Variants in CELSR1 observed in about 807,000 individuals in gnomAD.
The protein encoded by CELSR1 is cadherin EGF LAG seven-pass G-type receptor 1.
Under a neutral mutation model 249.1 loss-of-function variants are expected in CELSR1, and 110 were observed. The ratio of observed to expected loss-of-function variants is 0.44; its 90% CI spans 0.38 to 0.52. CELSR1 has a LOEUF of 0.52. CELSR1 is among the 20% of genes least tolerant of loss of function. The pLI, the probability that CELSR1 is intolerant of heterozygous loss-of-function variation, is 0.00. For synonymous variants in CELSR1, 2,113 were observed against 1,900.0 expected, an observed-to-expected ratio of 1.11 and a Z score of -2.92; for missense variants, 4,109 against 4,296.4, an observed-to-expected ratio of 0.96 and a Z score of 1.22.
rs547364572 is a variant in CELSR1, at chr22:46,402,219, C to CT, written c.5227-2318dup. On this transcript the variant is annotated intron_variant, in intron 9 of 34. Transcript: ENST00000674500. The surrounding 1 kb of genome is among the most constrained non-coding windows in gnomAD (Gnocchi z 5.0). ...CATCCCCATTCTAGTTTCTCTTTTT[C>CT]TTTTTTTTTTTTTTGAGACAGAGTT... Among the ~76,000 whole-genome samples, 2,085 of 143,274 alleles carry CT rather than the reference C, an allele frequency of 0.015. 12 individuals are homozygous for CT. Among genetic ancestry groups the CT allele is most frequent in the East Asian group, 0.055 (271 of 4,956 alleles). The allele number at this position is 143,274 out of a possible 152,430, so 94.0% of individuals were successfully genotyped here. A position where few individuals can be genotyped will look rare whatever the true frequency, so the allele number is the denominator to read the frequency against.
intron 5 of CELSR1, among the ~76,000 whole-genome samples, chr22:46,432,307 G>A (rs182737416): frequency 1.2e-4 from 18 of 152,342 alleles, no homozygotes; most frequent in Admixed American, 7.2e-4. Flanking sequence ...CCAACTGCTG[G>A]TGAGTCGCAG....
In CELSR1 at chr22:46,527,219, C is replaced by G. The variant is rs113553180; in HGVS notation, c.3544+6408G>C. 6.6e-6 allele frequency among the ~76,000 whole-genome samples: 1 copy of G among 152,162 alleles called. No homozygotes were observed. ...AGGGTTCCCGGCACATGGAGCACAT[C>G]GGCTGAGATGTGTCTGACCATCTAA... On this transcript the variant is annotated intron_variant, in intron 1 of 34. Coordinates refer to ENST00000674500, the MANE Select transcript of CELSR1 (RefSeq NM_001378328.1). The surrounding 1 kb of genome is among the most constrained non-coding windows in gnomAD (Gnocchi z 5.5).
chr22:46,387,830 G>A (rs114814034), intron 18 of CELSR1, among the ~76,000 whole-genome samples: 2,901 of 152,190 alleles, frequency 0.019, 91 homozygotes, highest in African/African-American at 0.066. Context: ...ATGTGGCGAT[G>A]CCCCTGGTTA....
At position 46,411,128 on chromosome 22, in the gene CELSR1, G is replaced by A. The variant is rs372052948; in HGVS notation, c.4769+474C>T. Among the ~76,000 whole-genome samples the A allele has an allele frequency of 9.9e-4, 151 of 152,284 alleles. No homozygotes were observed. The highest frequency in any genetic ancestry group is 3.2e-3 in the African/African-American group (134 of 41,550). On this transcript the variant is annotated intron_variant, in intron 6 of 34. Coordinates refer to ENST00000674500, the MANE Select transcript of CELSR1 (RefSeq NM_001378328.1). This position sits in a 1 kb window ranked among gnomAD's most constrained non-coding sequence, Gnocchi z 4.2. ...GCAGGAGGATGGCTTGAGTCCAGGA[G>A]GTCAAGGCTTCAGTGAGCTAGAATC...
At chr22:46,529,305 C>T (rs5768903) in intron 1 of CELSR1, among the ~76,000 whole-genome samples, 2 of 151,794 alleles carry the variant, frequency 1.3e-5, no homozygotes, top group Non-Finnish European at 2.9e-5. Flanking sequence ...TTGCAACAAC[C>T]TGGATGGAAC....
chr22:46,491,625 TTC>T (rs71315160), intron 1 of CELSR1, among the ~76,000 whole-genome samples: 1 of 136,348 alleles, frequency 7.3e-6, no homozygotes, highest in Non-Finnish European at 1.5e-5. Flanking sequence ...ATAGTCTCTA[TTC>T]TCTCTCTCTC....
chr22:46,375,454 G>A (rs1421700258), intron 24 of CELSR1, among the ~76,000 whole-genome samples: 9 of 151,666 alleles, frequency 5.9e-5, no homozygotes, highest in African/African-American at 1.7e-4. Context: ...CCTGGCTTCA[G>A]TTCTGGGTCT....
At position 46,373,062 on chromosome 22, in the gene CELSR1, G is replaced by A. The variant is rs559304627; in HGVS notation, c.7585-5C>T. ...GGCAACCACTGTGCACAGAAACTGCGCAGGGAGGGGCCGCTCAGCAAGGGC... is the reference window on the plus strand; with the variant it reads ...GGCAACCACTGTGCACAGAAACTGCACAGGGAGGGGCCGCTCAGCAAGGGC... On this transcript the variant is annotated splice_region_variant and splice_polypyrimidine_tract_variant and intron_variant, in intron 24 of 34. Coordinates refer to ENST00000674500, the MANE Select transcript of CELSR1 (RefSeq NM_001378328.1). 7.6e-6 allele frequency: 12 copies of A among 1,589,014 alleles called. No individual in the cohort carries two copies. The highest frequency in any genetic ancestry group is 2.7e-5 in the African/African-American group (2 of 74,694).
At chr22:46,388,365 A>G (rs895567636) in intron 18 of CELSR1, among the ~76,000 whole-genome samples, 3 of 151,846 alleles carry the variant, frequency 2.0e-5, no homozygotes, top group Non-Finnish European at 2.9e-5. Flanking sequence ...AAAAAGAAAT[A>G]AAGAAAAAGA....
chr22:46,506,237 G>A lies in CELSR1; in HGVS notation c.3544+27390C>T, dbSNP rs142747898. 6.3e-3 allele frequency among the ~76,000 whole-genome samples: 960 copies of A among 152,034 alleles called. 10 individuals are homozygous for A. The highest frequency in any genetic ancestry group is 0.022 in the African/African-American group (923 of 41,438). ...GAAAAGAAACTACTGACTACTGACG[G>A]ATTGCTGGGTTCTGGATGGACATGC... is the stretch of plus-strand genomic sequence containing the variant. On this transcript the variant is annotated intron_variant, in intron 1 of 34. Coordinates refer to ENST00000674500, the MANE Select transcript of CELSR1 (RefSeq NM_001378328.1). This position sits in a 1 kb window ranked among gnomAD's most constrained non-coding sequence, Gnocchi z 4.1.
chr22:46,458,319 G>A (rs1405490619), intron 2 of CELSR1, among the ~76,000 whole-genome samples: 1 of 152,186 alleles, frequency 6.6e-6, no homozygotes, highest in African/African-American at 2.4e-5. Flanking sequence ...AGGAAGGCCT[G>A]AACACTGATG....
At position 46,471,213 on chromosome 22, in the gene CELSR1, G is replaced by A. The variant is rs114351104; in HGVS notation, c.3545-6868C>T. On this transcript the variant is annotated intron_variant, in intron 1 of 34. Transcript: ENST00000674500. This position sits in a 1 kb window ranked among gnomAD's most constrained non-coding sequence, Gnocchi z 4.9. ...TTCTACATGAGCCCAGAGAGCTATC[G>A]GCACTGTGGACAGTGGTTCTGTCTG... Among the ~76,000 whole-genome samples, 12 of 152,266 alleles carry A rather than the reference G, an allele frequency of 7.9e-5. No homozygotes were observed. The highest frequency in any genetic ancestry group is 1.0e-4 in the Non-Finnish European group (7 of 68,016).
intron 1 of CELSR1, chr22:46,481,633 G>A: frequency 4.4e-6 from 3 of 678,940 alleles, no homozygotes; most frequent in Admixed American, 2.2e-5. Flanking sequence ...ACAACAGCTG[G>A]TGCTGCACCA....
At chr22:46,443,277 G>A (rs748838103) in intron 2 of CELSR1, among the ~76,000 whole-genome samples, 4 of 152,200 alleles carry the variant, frequency 2.6e-5, no homozygotes, top group Admixed American at 6.5e-5. Context: ...AGCTGACGCC[G>A]GGTCAGAGCC....
chr22:46,524,411 G>A (rs1464799516), intron 1 of CELSR1, among the ~76,000 whole-genome samples: 1 of 152,156 alleles, frequency 6.6e-6, no homozygotes, highest in Non-Finnish European at 1.5e-5. Context: ...GCAGCTCTGA[G>A]GGACACATCC....
chr22:46,534,885 C>G lies in CELSR1; in HGVS notation c.2286G>C (p.Val762=). The G allele has an allele frequency of 1.2e-6, 2 of 1,612,556 alleles. No individual in the cohort carries two copies. Among genetic ancestry groups the G allele is most frequent in the Non-Finnish European group, 1.7e-6 (2 of 1,179,996 alleles). ...YKQEQQYVLA[V]TASDGTRSHT... is the part of the protein sequence containing the mutation. Reference sequence around the variant, plus strand: ...GCGACCGTGTGCCGTCGGATGCTGTCACCGCCAGCACGTACTGCTGCTCCT... The same window carrying G: ...GCGACCGTGTGCCGTCGGATGCTGTGACCGCCAGCACGTACTGCTGCTCCT... The change falls in exon 1 of 35, where the codon GTG becomes GTC. Residue 762 remains valine (V), a synonymous_variant. Transcript: ENST00000674500. This position sits in a 1 kb window ranked among gnomAD's most constrained non-coding sequence, Gnocchi z 9.7.
intron 1 of CELSR1, among the ~76,000 whole-genome samples, chr22:46,529,277 A>G (rs2080769142): frequency 6.6e-6 from 1 of 152,102 alleles, no homozygotes; most frequent in African/African-American, 2.4e-5. Context: ...AAAAAAAAAA[A>G]GAATGAGATC....
chr22:46,381,601 G>T lies in CELSR1; in HGVS notation c.7088+245C>A, dbSNP rs549224508. ...TGTATGCTGGGGAGGGGGCATTTCT[G>T]GCACAAACACCAGGATGAGCCCAGG... is the stretch of plus-strand genomic sequence containing the variant. On this transcript the variant is annotated intron_variant, in intron 21 of 34. Coordinates refer to ENST00000674500, the MANE Select transcript of CELSR1 (RefSeq NM_001378328.1). This position sits in a 1 kb window ranked among gnomAD's most constrained non-coding sequence, Gnocchi z 6.0. Among the ~76,000 whole-genome samples the T allele has an allele frequency of 9.2e-4, 140 of 152,300 alleles. No homozygotes were observed. Among genetic ancestry groups the T allele is most frequent in the Non-Finnish European group, 1.6e-4 (11 of 68,022 alleles).
At position 46,464,217 on chromosome 22, in the gene CELSR1, C is replaced by T. The variant is rs1423266653; in HGVS notation, c.3673G>A (p.Ala1225Thr). Residue 1225 changes from alanine (A) to threonine (T), a missense_variant, in exon 2 of 35, where the codon GCC becomes ACC. Transcript: ENST00000674500. The surrounding 1 kb of genome is among the most constrained non-coding windows in gnomAD (Gnocchi z 8.5). ...GCGGCCACCCCCTCCACGAAGAGGGCCAGCAGCGGGGACAGGAACTTCTCC... is the reference window on the plus strand; with the variant it reads ...GCGGCCACCCCCTCCACGAAGAGGGTCAGCAGCGGGGACAGGAACTTCTCC... ...SQEKFLSPLL[A>T]LFVEGVAAVL... is the part of the protein sequence containing the mutation. The T allele has an allele frequency of 1.2e-6, 2 of 1,613,594 alleles. No individual in the cohort carries two copies. Among genetic ancestry groups the T allele is most frequent in the Non-Finnish European group, 1.7e-6 (2 of 1,180,030 alleles).
Sources: allele counts gnomAD v4.1 joint callset (sites outside exome capture counted in the v4.1 genomes callset), GRCh38; gene constraint gnomAD v4.1.1; non-coding constraint Gnocchi (gnomAD v3.1); transcripts MANE v1.5; gene names NCBI Gene and HGNC (gene_info 2026-07-23, HGNC 2026-07-21).